PTPRS: variants seen among roughly 807,000 people sequenced by gnomAD.
PTPRS encodes receptor-type tyrosine-protein phosphatase S.
A neutral mutation model predicts 215.3 loss-of-function variants in PTPRS; 63 were observed. That is an observed-to-expected ratio of 0.29 (90% CI 0.24 to 0.36). PTPRS has a LOEUF of 0.36. PTPRS is among the 10% of genes least tolerant of loss of function. The pLI is 1.00. For missense variants in PTPRS, 2,258 were observed against 2,825.8 expected, an observed-to-expected ratio of 0.80 and a Z score of 4.56; for synonymous variants, 1,404 against 1,191.4, an observed-to-expected ratio of 1.18 and a Z score of -3.68.
chr19:5,216,910 C>T (rs1461246736), intron 25 of PTPRS, 143 bp from the exon 26 acceptor site: 3 of 632,224 alleles, frequency 4.7e-6, no homozygotes, highest in African/African-American at 3.7e-5. Context: ...GCCACCTGGG[C>T]CCCCACCTGA....
chr19:5,305,727 T>A (rs2049460170), intron 1 of PTPRS, among the ~76,000 whole-genome samples: 1 of 125,168 alleles, frequency 8.0e-6, no homozygotes. Flanking sequence ...AGACCCCGTC[T>A]CTGAAAAATA....
chr19:5,239,086 CAG>C, intron 12 of PTPRS, 23 bp from the exon 13 acceptor site: 2 of 1,573,788 alleles, frequency 1.3e-6, no homozygotes, highest in East Asian at 4.8e-5. Flanking sequence ...CAGAGAAGGA[CAG>C]AGAGGGATGG....
chr19:5,322,901 G>GAAA (rs2050069728), intron 1 of PTPRS, among the ~76,000 whole-genome samples: 1 of 81,302 alleles, frequency 1.2e-5, no homozygotes, highest in Non-Finnish European at 2.6e-5. Context: ...AAAAAAAAAA[G>GAAA]AAGAAGAAGA....
At chr19:5,230,543 C>A (rs1431362660) in intron 14 of PTPRS, among the ~76,000 whole-genome samples, 1 of 152,206 alleles carries the variant, frequency 6.6e-6, no homozygotes, top group Admixed American at 6.5e-5. Context: ...ATTGCAGCCT[C>A]AAACTGCTAT....
intron 24 of PTPRS, 105 bp from the exon 25 acceptor site, chr19:5,218,637 C>T (rs754739504): frequency 2.2e-5 from 34 of 1,514,182 alleles, no homozygotes; most frequent in African/African-American, 1.1e-4. Context: ...ACCATGGACC[C>T]GTATGACTAG....
chr19:5,225,369 G>A (rs999921745), intron 17 of PTPRS, among the ~76,000 whole-genome samples: 18 of 152,160 alleles, frequency 1.2e-4, no homozygotes. Flanking sequence ...GGTGTACCTT[G>A]AGCTGAGACC....
chr19:5,217,200 G>A (rs1163197213), intron 25 of PTPRS, among the ~76,000 whole-genome samples: 5 of 152,214 alleles, frequency 3.3e-5, no homozygotes, highest in Admixed American at 2.6e-4. Context: ...TCAGTTAAAT[G>A]CACATGTTGA....
At chr19:5,217,999 G>A (rs774509314) in intron 25 of PTPRS, among the ~76,000 whole-genome samples, 1 of 152,050 alleles carries the variant, frequency 6.6e-6, no homozygotes, top group Non-Finnish European at 1.5e-5. Flanking sequence ...ACCTTGCTAG[G>A]GATATATCCC....
At position 5,205,982 on chromosome 19, in the gene PTPRS, G is replaced by GGAA. The variant is rs1555729648; in HGVS notation, c.*791_*792insTTC. Among the ~76,000 whole-genome samples the GGAA allele has an allele frequency of 3.2e-4, 42 of 132,074 alleles. No homozygotes were observed. The East Asian group carries it at 8.8e-3, about 28-fold the overall frequency. The allele number at this position is 132,074 out of a possible 152,430, so 86.6% of individuals were successfully genotyped here. On this transcript the variant is annotated 3_prime_UTR_variant, in exon 38 of 38. Transcript: ENST00000262963. ...TTTATAAAAATGAAACAAAAAGGGG[G>GGAA]AAAAAAAAAGCCAAGAAAGAAAAAA... is the stretch of plus-strand genomic sequence containing the variant.
At chr19:5,334,992 CG>C (rs1408497115) in intron 1 of PTPRS, among the ~76,000 whole-genome samples, 3 of 152,210 alleles carry the variant, frequency 2.0e-5, no homozygotes, top group East Asian at 1.9e-4. Context: ...TTGCTGATCA[CG>C]GGGGTTAATT....
chr19:5,306,961 G>A (rs1318429394), intron 1 of PTPRS, among the ~76,000 whole-genome samples: 1 of 152,180 alleles, frequency 6.6e-6, no homozygotes, highest in Non-Finnish European at 1.5e-5. Flanking sequence ...CACGGCAAAA[G>A]GCTTGAAGCA....
intron 4 of PTPRS, among the ~76,000 whole-genome samples, chr19:5,268,418 G>A (rs967482265): frequency 6.6e-6 from 1 of 152,028 alleles, no homozygotes; most frequent in Admixed American, 6.6e-5. Flanking sequence ...GCTTACAAAG[G>A]CCCAGATGGG....
At chr19:5,308,951 C>T (rs751237156) in intron 1 of PTPRS, among the ~76,000 whole-genome samples, 3 of 152,082 alleles carry the variant, frequency 2.0e-5, no homozygotes, top group Non-Finnish European at 2.9e-5. Flanking sequence ...GGGTGGGGTA[C>T]GGGGCAGGGA....
At chr19:5,221,718 A>T (rs1416375410) in intron 19 of PTPRS, among the ~76,000 whole-genome samples, 1 of 151,952 alleles carries the variant, frequency 6.6e-6, no homozygotes, top group East Asian at 1.9e-4. Flanking sequence ...CCAACTCCAG[A>T]CTAAACTCTG....
chr19:5,273,215 A>G (rs1431152048), intron 4 of PTPRS: 1 of 586,628 alleles, frequency 1.7e-6, no homozygotes, highest in Non-Finnish European at 3.0e-6. Flanking sequence ...ATTATAAATT[A>G]GGATGATTCT....
At chr19:5,314,681 A>G (rs1438106746) in intron 1 of PTPRS, among the ~76,000 whole-genome samples, 1 of 151,854 alleles carries the variant, frequency 6.6e-6, no homozygotes, top group Admixed American at 6.6e-5. Context: ...ATGAATCACC[A>G]CACCCAGCTG....
intron 1 of PTPRS, among the ~76,000 whole-genome samples, chr19:5,313,940 AAATAATAAT>A (rs148699840): frequency 0.045 from 6,608 of 146,496 alleles, 204 homozygotes; most frequent in Non-Finnish European, 0.063. Context: ...CTCTCTCCAC[AAATAATAAT>A]AATAATAATA....
Position 5,244,111 on chromosome 19 carries a change from T to A in PTPRS, c.1360A>T (p.Asn454Tyr). 1 of 1,608,546 alleles carries A rather than the reference T, an allele frequency of 6.2e-7. No homozygotes were observed. The change falls in exon 11 of 38, where the codon AAC (asparagine) becomes TAC (tyrosine). Residue 454 changes from asparagine to tyrosine, a missense_variant. Asn to Tyr is a moderately radical substitution (Grantham distance 143, BLOSUM62 -2). Around this residue, in one of 6 missense-constraint regions of PTPRS, gnomAD observed 508 missense variants for 799.4 expected, o/e 0.64. Coordinates refer to ENST00000262963, the MANE Select transcript of PTPRS (RefSeq NM_002850.4). The surrounding 1 kb of genome is among the most constrained non-coding windows in gnomAD (Gnocchi z 7.2). ...IVQWEEPVEPNGLIRGYRVYY... is the reference protein window; with the variant it reads ...IVQWEEPVEPYGLIRGYRVYY... ...ACGCGGTAGCCGCGGATCAGGCCGT[T>A]GGGCTCCACCGGCTCCTCCCACTGC...
At chr19:5,290,771 C>G (rs1014322547) in intron 1 of PTPRS, among the ~76,000 whole-genome samples, 8 of 151,958 alleles carry the variant, frequency 5.3e-5, no homozygotes, top group African/African-American at 1.9e-4. Context: ...AGGGGAAAGA[C>G]CCCTGACCCT....
Sources: gnomAD v4.1 joint callset for allele counts (sites outside exome capture counted in the v4.1 genomes callset) on GRCh38, gnomAD v4.1.1 for gene constraint, gnomAD v4.1.1 regional missense constraint, Gnocchi (gnomAD v3.1) non-coding constraint, MANE v1.5 for transcripts, NCBI Gene and HGNC (gene_info 2026-07-23, HGNC 2026-07-21) for gene names.